LTBP1: variants seen among roughly 807,000 people sequenced by gnomAD.
The protein encoded by LTBP1 is latent transforming growth factor beta binding protein 1.
LTBP1 carries 129 observed loss-of-function variants against 207.6 expected under a neutral mutation model. The observed-to-expected ratio is 0.62, with a 90% CI of 0.54 to 0.72. The LOEUF (loss-of-function observed/expected upper bound fraction) is 0.72, where lower values mean the gene tolerates loss of function less well. LTBP1 is among the 30% of genes least tolerant of loss of function. The pLI, the probability that LTBP1 is intolerant of heterozygous loss-of-function variation, is 0.00. For missense variants in LTBP1, 2,281 were observed against 2,217.2 expected (o/e 1.03, Z -0.58); for synonymous variants, 963 against 833.7 (o/e 1.16, Z -2.67).
At chr2:33,351,358 C>A (rs1032134342) in intron 26 of LTBP1, among the ~76,000 whole-genome samples, 1 of 152,228 alleles carries the variant, frequency 6.6e-6, no homozygotes. Flanking sequence ...AGGATCTTCT[C>A]ACTTCACCAT....
rs867467193 is a variant in LTBP1 at position 33,111,659 on chromosome 2, T to A, written c.1033+908T>A. ...TCCACCTCCCCGTTTCTGTACTGAATCTAAAGTGATTGACTCTTCCCTCAG... is the reference window on the plus strand; with the variant it reads ...TCCACCTCCCCGTTTCTGTACTGAAACTAAAGTGATTGACTCTTCCCTCAG... On this transcript the variant is annotated intron_variant, in intron 4 of 33. Transcript: ENST00000404816. Among the ~76,000 whole-genome samples the A allele has an allele frequency of 1.2e-4, 18 of 152,322 alleles. No individual in the cohort carries two copies. In the Middle Eastern group the frequency reaches 0.014, roughly 115 times the overall value.
At chr2:33,124,450 A>C (rs2081326207) in intron 4 of LTBP1, among the ~76,000 whole-genome samples, 1 of 152,182 alleles carries the variant, frequency 6.6e-6, no homozygotes, top group Admixed American at 6.5e-5. Context: ...AAACCTTTCT[A>C]ATCAGTGGGT....
intron 18 of LTBP1, 131 bp downstream of exon 18, chr2:33,276,054 G>T: frequency 8.7e-7 from 1 of 1,146,580 alleles, no homozygotes; most frequent in Non-Finnish European, 1.2e-6. Flanking sequence ...CTGCTTCCTA[G>T]ATTCACAGGC....
At chr2:33,032,402 T>C (rs2075732244) in intron 3 of LTBP1, among the ~76,000 whole-genome samples, 1 of 152,240 alleles carries the variant, frequency 6.6e-6, no homozygotes, top group Admixed American at 6.5e-5. Context: ...ATAACTACTT[T>C]TTGTTATCTC....
chr2:33,158,687 G>A (rs13417676), intron 5 of LTBP1, among the ~76,000 whole-genome samples: 8,904 of 152,252 alleles, frequency 0.058, 876 homozygotes, highest in African/African-American at 0.2. Flanking sequence ...TTTCTTTCCA[G>A]TGATTCATAT....
intron 9 of LTBP1, among the ~76,000 whole-genome samples, chr2:33,242,941 T>C (rs2092385124): frequency 6.6e-6 from 1 of 152,132 alleles, no homozygotes; most frequent in East Asian, 1.9e-4. Flanking sequence ...GCAGCCTGAA[T>C]TGTACCAGCT....
At chr2:32,949,347 G>C (rs1371058950) in intron 2 of LTBP1, among the ~76,000 whole-genome samples, 2 of 152,228 alleles carry the variant, frequency 1.3e-5, no homozygotes, top group African/African-American at 4.8e-5. Context: ...TTGGGGAGTA[G>C]AGGGCCCTGT....
rs1176008947 is a variant in LTBP1, at chr2:33,150,710, C to CTTTTTTTTTTTTTT, written c.1201+15763_1201+15776dup. ...CTTTTCTTTTTTCTTTTTTCTTTTT[C>CTTTTTTTTTTTTTT]TTTTTTTTTTTTTTTTTTTTTTTTT... On this transcript the variant is annotated intron_variant, in intron 5 of 33. Transcript: ENST00000404816. 1.4e-3 allele frequency among the ~76,000 whole-genome samples: 98 copies of CTTTTTTTTTTTTTT among 69,298 alleles called. 2 individuals are homozygous for CTTTTTTTTTTTTTT. The highest frequency in any genetic ancestry group is 3.1e-3 in the South Asian group (5 of 1,618). 45.5% of individuals were successfully genotyped at this position (69,298 alleles called of 152,430 possible). A position where few individuals can be genotyped will look rare whatever the true frequency, so the allele number is the denominator to read the frequency against.
At chr2:33,161,219 C>T (rs2084433908) in intron 5 of LTBP1, among the ~76,000 whole-genome samples, 1 of 149,038 alleles carries the variant, frequency 6.7e-6, no homozygotes, top group Non-Finnish European at 1.5e-5. Context: ...TTGTTAGTAT[C>T]TTTCCCTTAC....
Position 33,001,304 on chromosome 2 carries a change from C to G in LTBP1, c.566-19605C>G, listed in dbSNP as rs1276785485. 1.2e-4 allele frequency among the ~76,000 whole-genome samples: 16 copies of G among 134,798 alleles called. 7 individuals are homozygous for G. The highest frequency in any genetic ancestry group is 8.4e-4 in the Admixed American group (11 of 13,064). 88.4% of individuals were successfully genotyped at this position (134,798 alleles called of 152,430 possible). On this transcript the variant is annotated intron_variant, in intron 2 of 33. Transcript: ENST00000404816. ...TGTGGCTTTCAAATATTTTTCTGCA[C>G]GAGAATCATCTGGAGAGCTTGTTAA...
At chr2:33,181,333 C>T (rs2086613275) in intron 5 of LTBP1, among the ~76,000 whole-genome samples, 7 of 152,202 alleles carry the variant, frequency 4.6e-5, no homozygotes, top group Admixed American at 3.9e-4. Flanking sequence ...GGTTCCAATT[C>T]GTGGCACAGA....
At chr2:33,252,473 A>T (rs2092711496) in intron 10 of LTBP1, among the ~76,000 whole-genome samples, 1 of 152,204 alleles carries the variant, frequency 6.6e-6, no homozygotes. Flanking sequence ...AGGGACAATC[A>T]CTGTCACGAC....
At chr2:32,986,497 G>T (rs1447162264) in intron 2 of LTBP1, among the ~76,000 whole-genome samples, 1 of 152,218 alleles carries the variant, frequency 6.6e-6, no homozygotes, top group Non-Finnish European at 1.5e-5. Flanking sequence ...GGGTTCAAAT[G>T]GTGATACCGT....
intron 3 of LTBP1, among the ~76,000 whole-genome samples, chr2:33,031,094 TG>T (rs975052399): frequency 2.2e-4 from 34 of 152,346 alleles, no homozygotes; most frequent in African/African-American, 7.7e-4. Context: ...ATTAGTACTC[TG>T]GTTTTTTTTA....
chr2:33,339,829 G>A (rs529179228), intron 24 of LTBP1, among the ~76,000 whole-genome samples: 1 of 152,026 alleles, frequency 6.6e-6, no homozygotes, highest in South Asian at 2.1e-4. Flanking sequence ...ATTTTTAGTA[G>A]AGACGGGGTT....
rs867088621 is a variant in LTBP1 at position 33,262,072 on chromosome 2, C to A, written c.2419-650C>A. On this transcript the variant is annotated intron_variant, in intron 13 of 33. Transcript: ENST00000404816. ...CTGAGCCACGGATGATGGACTGCTTCTTTGCTTGAGGTCCAGGGGACAAGC... is the reference window on the plus strand; with the variant it reads ...CTGAGCCACGGATGATGGACTGCTTATTTGCTTGAGGTCCAGGGGACAAGC... Among the ~76,000 whole-genome samples, 6 of 152,282 alleles carry A rather than the reference C, an allele frequency of 3.9e-5. No homozygotes were observed. The South Asian group carries it at 6.2e-4, about 16-fold the overall frequency.
intron 4 of LTBP1, among the ~76,000 whole-genome samples, chr2:33,123,816 TTAAG>T (rs1041240464): frequency 1.3e-5 from 2 of 152,332 alleles, no homozygotes; most frequent in East Asian, 1.9e-4. Context: ...TATGCATTAA[TTAAG>T]TATGTTACAT....
intron 7 of LTBP1, among the ~76,000 whole-genome samples, chr2:33,215,461 T>G (rs1444973140): frequency 8.5e-5 from 13 of 152,204 alleles, no homozygotes; most frequent in Admixed American, 8.5e-4. Context: ...AGCTATGATG[T>G]AACTAAAACT....
At chr2:33,185,423 G>C (rs895940273) in intron 5 of LTBP1, among the ~76,000 whole-genome samples, 2 of 152,204 alleles carry the variant, frequency 1.3e-5, no homozygotes, top group Non-Finnish European at 2.9e-5. Flanking sequence ...GTGACACATA[G>C]TTGTAGACAA....
Sources: allele counts gnomAD v4.1 joint callset (sites outside exome capture counted in the v4.1 genomes callset), GRCh38; gene constraint gnomAD v4.1.1; transcripts MANE v1.5; gene names NCBI Gene and HGNC (gene_info 2026-07-23, HGNC 2026-07-21).